Variants in SLC24A2 observed in about 807,000 individuals in gnomAD.
SLC24A2 encodes the protein solute carrier family 24 member 2.
In SLC24A2, 36 loss-of-function variants were observed where a neutral mutation model predicts 62.0. The observed-to-expected ratio is 0.58, with a 90% CI of 0.44 to 0.77. SLC24A2 has a LOEUF of 0.77. SLC24A2 is among the 30% of genes least tolerant of loss of function. The pLI, the probability that SLC24A2 is intolerant of heterozygous loss-of-function variation, is 0.00. For missense variants in SLC24A2, 846 were observed against 817.9 expected, an observed-to-expected ratio of 1.03 and a Z score of -0.42; for synonymous variants, 358 against 294.0, an observed-to-expected ratio of 1.22 and a Z score of -2.23.
intron 2 of SLC24A2, among the ~76,000 whole-genome samples, chr9:19,667,279 T>C (rs1230531747): frequency 6.6e-6 from 1 of 152,188 alleles, no homozygotes; most frequent in African/African-American, 2.4e-5. Context: ...AAATAAAAAG[T>C]ATTCGAAACT....
At chr9:19,974,246 T>C in the SLC24A2 span, among the ~76,000 whole-genome samples, 3 of 152,168 alleles carry the variant, frequency 2.0e-5, no homozygotes, top group Non-Finnish European at 4.4e-5. Flanking sequence ...CAGAATGAAA[T>C]AATTTCTACT....
At chr9:19,573,909 T>G (rs987235909) in intron 6 of SLC24A2, among the ~76,000 whole-genome samples, 1 of 152,222 alleles carries the variant, frequency 6.6e-6, no homozygotes, top group African/African-American at 2.4e-5. Flanking sequence ...GTTTACACCC[T>G]GGACTGTACC....
intron 2 of SLC24A2, among the ~76,000 whole-genome samples, chr9:19,699,686 A>C (rs922654157): frequency 6.6e-6 from 1 of 152,240 alleles, no homozygotes; most frequent in African/African-American, 2.4e-5. Flanking sequence ...GAAATGTATC[A>C]AATTAATACT....
At chr9:20,073,897 T>C in the SLC24A2 span, among the ~76,000 whole-genome samples, 1 of 139,390 alleles carries the variant, frequency 7.2e-6, no homozygotes, top group Non-Finnish European at 1.5e-5. Flanking sequence ...TATACACACA[T>C]ATATATATAT....
chr9:19,650,762 C>T (rs1818777286), intron 2 of SLC24A2, among the ~76,000 whole-genome samples: 1 of 151,736 alleles, frequency 6.6e-6, no homozygotes, highest in Admixed American at 6.6e-5. Flanking sequence ...AAACAAACAG[C>T]AACTAGGATT....
the SLC24A2 span, among the ~76,000 whole-genome samples, chr9:20,304,206 G>T: frequency 6.6e-6 from 1 of 152,090 alleles, no homozygotes; most frequent in Admixed American, 6.5e-5. Flanking sequence ...TCAGTGGCAG[G>T]CAGGTTAACT....
the SLC24A2 span, among the ~76,000 whole-genome samples, chr9:20,025,160 T>A: frequency 6.6e-6 from 1 of 152,224 alleles, no homozygotes; most frequent in Non-Finnish European, 1.5e-5. Context: ...TCTATTTTCT[T>A]TAATGCTTGT....
At chr9:20,149,709 T>C in the SLC24A2 span, among the ~76,000 whole-genome samples, 13 of 152,058 alleles carry the variant, frequency 8.5e-5, no homozygotes, top group African/African-American at 3.1e-4. Context: ...TTTCCAACTA[T>C]TTAAAAATGT....
the SLC24A2 span, among the ~76,000 whole-genome samples, chr9:19,901,991 G>A: frequency 2.0e-5 from 3 of 152,186 alleles, no homozygotes; most frequent in African/African-American, 7.2e-5. Context: ...CACAGAACAA[G>A]AAAAACCTTG....
intron 2 of SLC24A2, among the ~76,000 whole-genome samples, chr9:19,733,537 C>T (rs1041727400): frequency 2.0e-5 from 3 of 152,204 alleles, no homozygotes; most frequent in African/African-American, 7.2e-5. Flanking sequence ...AGCACTCACA[C>T]CTCGCTCAGC....
At chr9:19,564,513 C>A (rs1299541417) in intron 7 of SLC24A2, among the ~76,000 whole-genome samples, 1 of 145,260 alleles carries the variant, frequency 6.9e-6, no homozygotes, top group African/African-American at 2.5e-5. Context: ...CTTCAGTCAT[C>A]TGTTATCTAC....
the SLC24A2 span, among the ~76,000 whole-genome samples, chr9:20,028,630 C>T: frequency 3.2e-4 from 48 of 152,290 alleles, no homozygotes; most frequent in African/African-American, 7.5e-4. Context: ...CCATTCTGCT[C>T]GGGCTTCTGC....
the SLC24A2 span, among the ~76,000 whole-genome samples, chr9:19,820,264 A>G: frequency 4.7e-5 from 7 of 147,916 alleles, no homozygotes; most frequent in Admixed American, 6.8e-5. Context: ...GAATGATACA[A>G]TGGAGTTTGG....
intron 2 of SLC24A2, among the ~76,000 whole-genome samples, chr9:19,765,596 C>A (rs1822490011): frequency 6.6e-6 from 1 of 152,140 alleles, no homozygotes; most frequent in African/African-American, 2.4e-5. Flanking sequence ...GTTGATAATT[C>A]TTTTCTTTAA....
chr9:19,764,393 T>C (rs149020926), intron 2 of SLC24A2, among the ~76,000 whole-genome samples: 65 of 152,358 alleles, frequency 4.3e-4, no homozygotes, highest in African/African-American at 1.5e-3. Flanking sequence ...ACTGTGATGT[T>C]AGAGTGTCAA....
the SLC24A2 span, among the ~76,000 whole-genome samples, chr9:20,264,681 G>A: frequency 4.6e-5 from 7 of 152,156 alleles, no homozygotes; most frequent in African/African-American, 1.7e-4. Context: ...TGTGATATTT[G>A]AGATCATATG....
chr9:19,656,948 C>G (rs1240823905), intron 2 of SLC24A2, among the ~76,000 whole-genome samples: 1 of 152,208 alleles, frequency 6.6e-6, no homozygotes, highest in Non-Finnish European at 1.5e-5. Flanking sequence ...GACACTCCCT[C>G]TGGTCCTTCA....
At chr9:19,780,160 T>C (rs1822970224) in intron 2 of SLC24A2, among the ~76,000 whole-genome samples, 1 of 152,226 alleles carries the variant, frequency 6.6e-6, no homozygotes, top group Non-Finnish European at 1.5e-5. Flanking sequence ...ATGGGTGAAG[T>C]GGTGACTGAG....
At chr9:19,905,599 G>A in the SLC24A2 span, among the ~76,000 whole-genome samples, 1 of 152,064 alleles carries the variant, frequency 6.6e-6, no homozygotes, top group South Asian at 2.1e-4. Flanking sequence ...TTTTAGTAGA[G>A]ACGGGGTTTC....
Sources: gnomAD v4.1 joint callset for allele counts (sites outside exome capture counted in the v4.1 genomes callset) on GRCh38, gnomAD v4.1.1 for gene constraint, MANE v1.5 for transcripts, NCBI Gene and HGNC (gene_info 2026-07-23, HGNC 2026-07-21) for gene names.